The following ACACA variants were observed in gnomAD, a reference collection of about 807,000 sequenced individuals.
ACACA encodes the protein acetyl-CoA carboxylase 1.
A neutral mutation model predicts 296.1 loss-of-function variants in ACACA; 103 were observed. The ratio of observed to expected loss-of-function variants is 0.35; its 90% CI spans 0.30 to 0.41. The LOEUF (loss-of-function observed/expected upper bound fraction) is 0.41. Ranked by LOEUF, ACACA falls within the 10% of genes least tolerant of loss-of-function variation. ACACA has a pLI of 1.00. For missense variants in ACACA, 1,554 were observed against 2,989.7 expected, an observed-to-expected ratio of 0.52 and a Z score of 11.20; for synonymous variants, 953 against 1,038.6, an observed-to-expected ratio of 0.92 and a Z score of 1.58.
chr17:37,349,652 G>T (rs897276917), intron 1 of ACACA, among the ~76,000 whole-genome samples: 2 of 150,590 alleles, frequency 1.3e-5, no homozygotes, highest in African/African-American at 4.9e-5. Flanking sequence ...CGCCTCCCAG[G>T]TTCAAACAAT....
intron 41 of ACACA, among the ~76,000 whole-genome samples, chr17:37,164,280 G>A (rs925526925): frequency 6.6e-6 from 1 of 152,136 alleles, no homozygotes; most frequent in African/African-American, 2.4e-5. Flanking sequence ...AAAGCCACAT[G>A]CATCACCCAG....
At chr17:37,147,186 CT>C (rs2144024775) in intron 45 of ACACA, among the ~76,000 whole-genome samples, 1 of 152,188 alleles carries the variant, frequency 6.6e-6, no homozygotes, top group South Asian at 2.1e-4. Flanking sequence ...TGCATGTCTC[CT>C]ACATTTCCAC....
In ACACA at chr17:37,180,979, A is replaced by G. The variant is rs189056839; in HGVS notation, c.4932+222T>C. 7.2e-5 allele frequency among the ~76,000 whole-genome samples: 11 copies of G among 152,328 alleles called. No individual in the cohort carries two copies. The East Asian group carries it at 1.9e-3, about 27-fold the overall frequency. On this transcript the variant is annotated intron_variant, in intron 40 of 55. Transcript: ENST00000616317. ...TTTACTCTCTCCTGTCTCCTACTCA[A>G]TAGAGACTTCTATTCTCACCATTCC...
chr17:37,103,437 T>C (rs2073480343), intron 52 of ACACA, among the ~76,000 whole-genome samples: 2 of 152,152 alleles, frequency 1.3e-5, no homozygotes, highest in African/African-American at 4.8e-5. Flanking sequence ...CTTGAAATGG[T>C]TTTCTTTCTT....
chr17:37,201,260 A>AG (rs2078233848), intron 33 of ACACA, among the ~76,000 whole-genome samples: 2 of 152,102 alleles, frequency 1.3e-5, no homozygotes, highest in Non-Finnish European at 2.9e-5. Context: ...CCAACATGGC[A>AG]AAACCCTGTC....
At chr17:37,238,165 G>A (rs2080204748) in intron 24 of ACACA, among the ~76,000 whole-genome samples, 1 of 151,994 alleles carries the variant, frequency 6.6e-6, no homozygotes, top group African/African-American at 2.4e-5. Flanking sequence ...CTATCCTGAG[G>A]TTATAACGAT....
intron 13 of ACACA, 127 bp from the exon 14 acceptor site, chr17:37,257,993 C>A: frequency 7.6e-7 from 1 of 1,321,106 alleles, no homozygotes; most frequent in Admixed American, 1.9e-5. Flanking sequence ...ATGATAAAGG[C>A]CAAGACCCAG....
chr17:37,174,492 T>C (rs1381227458), intron 41 of ACACA, among the ~76,000 whole-genome samples: 1 of 152,094 alleles, frequency 6.6e-6, no homozygotes, highest in Non-Finnish European at 1.5e-5. Context: ...TGGTAGTGTG[T>C]GTAGAGGTGA....
chr17:37,260,309 T>A lies in ACACA; in HGVS notation c.1330-779A>T, dbSNP rs1429950684. Among the ~76,000 whole-genome samples, 3 of 105,880 alleles carry A rather than the reference T, an allele frequency of 2.8e-5. 1 individual carries two copies. Among genetic ancestry groups the A allele is most frequent in the African/African-American group, 1.3e-4 (3 of 23,562 alleles). 69.5% of individuals were successfully genotyped at this position (105,880 alleles called of 152,430 possible). On this transcript the variant is annotated intron_variant, in intron 11 of 55. Transcript: ENST00000616317. ...ATATATATATATATTTTTTTTTTTT[T>A]TTTTTTTGGAGATGGAGTCTCGCTT...
At chr17:37,178,205 G>A (rs2077190194) in intron 41 of ACACA, among the ~76,000 whole-genome samples, 1 of 152,130 alleles carries the variant, frequency 6.6e-6, no homozygotes, top group South Asian at 2.1e-4. Flanking sequence ...CATAATGCAT[G>A]GACAAGAGTA....
chr17:37,134,595 T>C (rs1047772193), intron 45 of ACACA, among the ~76,000 whole-genome samples: 2 of 152,208 alleles, frequency 1.3e-5, no homozygotes, highest in Admixed American at 6.5e-5. Context: ...TGCATATCAA[T>C]GATGGAATAA....
chr17:37,344,166 C>T (rs2147375618), intron 1 of ACACA, among the ~76,000 whole-genome samples: 1 of 152,076 alleles, frequency 6.6e-6, no homozygotes, highest in Admixed American at 6.6e-5. Context: ...TGGTGGTTCA[C>T]ACCTGTAATC....
At chr17:37,146,439 G>A (rs1278000190) in intron 45 of ACACA, among the ~76,000 whole-genome samples, 1 of 150,552 alleles carries the variant, frequency 6.6e-6, no homozygotes, top group Non-Finnish European at 1.5e-5. Flanking sequence ...GATGGGGTTT[G>A]GGGGGTAGGG....
chr17:37,300,618 G>A (rs1222256108), intron 3 of ACACA, among the ~76,000 whole-genome samples: 1 of 152,080 alleles, frequency 6.6e-6, no homozygotes, highest in Non-Finnish European at 1.5e-5. Flanking sequence ...CTGGAGCATA[G>A]ATAGAAGTTA....
chr17:37,318,749 T>A (rs1403619734), intron 3 of ACACA, among the ~76,000 whole-genome samples: 1 of 152,128 alleles, frequency 6.6e-6, no homozygotes, highest in African/African-American at 2.4e-5. Flanking sequence ...ATATGGCACA[T>A]TTTACTATTC....
chr17:37,339,393 A>C (rs1285709223), intron 2 of ACACA, among the ~76,000 whole-genome samples: 1 of 152,240 alleles, frequency 6.6e-6, no homozygotes, highest in Non-Finnish European at 1.5e-5. Flanking sequence ...CCTAGCTAAG[A>C]AGACCATGAA....
At chr17:37,158,403 C>T (rs532618751) in intron 42 of ACACA, among the ~76,000 whole-genome samples, 12 of 152,068 alleles carry the variant, frequency 7.9e-5, no homozygotes, top group Middle Eastern at 3.4e-3. Flanking sequence ...CCAAGATGGG[C>T]GGATCACTTT....
At chr17:37,369,105 C>A (rs1568063636) in intron 1 of ACACA, among the ~76,000 whole-genome samples, 1 of 152,062 alleles carries the variant, frequency 6.6e-6, no homozygotes, top group African/African-American at 2.4e-5. Flanking sequence ...TATTATAAAG[C>A]AATGAGAATG....
chr17:37,298,431 C>T (rs2083458058), intron 3 of ACACA, among the ~76,000 whole-genome samples: 1 of 152,026 alleles, frequency 6.6e-6, no homozygotes, highest in African/African-American at 2.4e-5. Flanking sequence ...CCTGTAATAC[C>T]AACACTTCTG....
Sources: gnomAD v4.1 joint callset for allele counts (sites outside exome capture counted in the v4.1 genomes callset) on GRCh38, gnomAD v4.1.1 for gene constraint, MANE v1.5 for transcripts, NCBI Gene and HGNC (gene_info 2026-07-23, HGNC 2026-07-21) for gene names.